Variants in UBAP1 observed in about 807,000 individuals in gnomAD.
UBAP1 encodes the protein ubiquitin-associated protein 1.
A neutral mutation model predicts 39.0 loss-of-function variants in UBAP1; 5 were observed. The observed-to-expected ratio is 0.13, with a 90% CI of 0.07 to 0.27. The LOEUF (loss-of-function observed/expected upper bound fraction) is 0.27, where lower values mean the gene tolerates loss of function less well. Ranked by LOEUF, UBAP1 falls within the 10% of genes least tolerant of loss-of-function variation. UBAP1 has a pLI of 1.00. For synonymous variants in UBAP1, 211 were observed against 225.1 expected, an observed-to-expected ratio of 0.94 and a Z score of 0.56; for missense variants, 490 against 608.1, an observed-to-expected ratio of 0.81 and a Z score of 2.04.
chr9:34,232,339 A>C (rs552772661), intron 2 of UBAP1, among the ~76,000 whole-genome samples: 2 of 152,230 alleles, frequency 1.3e-5, no homozygotes, highest in Non-Finnish European at 2.9e-5. Flanking sequence ...TCAAGTAAAT[A>C]AGGGTAGGAA....
chr9:34,219,401 T>C (rs751472258), intron 1 of UBAP1, among the ~76,000 whole-genome samples: 1 of 152,046 alleles, frequency 6.6e-6, no homozygotes, highest in Admixed American at 6.6e-5. Flanking sequence ...AACAGAAACT[T>C]TTCAAGAAAA....
chr9:34,241,030 C>G lies in UBAP1; in HGVS notation c.160-155C>G, dbSNP rs549331873. 1.1e-3 allele frequency among the ~76,000 whole-genome samples: 164 copies of G among 152,270 alleles called. 1 individual carries two copies. The highest frequency in any genetic ancestry group is 3.3e-3 in the African/African-American group (137 of 41,550). ...TTAAATCTTACAAGGACATTGGAAG[C>G]CTTACTCTTTTTAAGTGGGGATCAT... On this transcript the variant is annotated intron_variant, in intron 3 of 6. Transcript: ENST00000297661.
At chr9:34,206,498 A>T (rs1296688923) in intron 1 of UBAP1, among the ~76,000 whole-genome samples, 1 of 152,122 alleles carries the variant, frequency 6.6e-6, no homozygotes, top group African/African-American at 2.4e-5. Flanking sequence ...TGACAGAGTG[A>T]GACCCTGTCT....
At chr9:34,198,729 C>G (rs1831199364) in intron 1 of UBAP1, among the ~76,000 whole-genome samples, 1 of 152,144 alleles carries the variant, frequency 6.6e-6, no homozygotes, top group South Asian at 2.1e-4. Flanking sequence ...TGAGGCAAGA[C>G]AGACATGGAT....
chr9:34,226,483 T>C (rs1587855925), intron 2 of UBAP1, among the ~76,000 whole-genome samples: 1 of 152,236 alleles, frequency 6.6e-6, no homozygotes, highest in East Asian at 1.9e-4. Context: ...GTGATCCACC[T>C]GCGTCTGCGT....
intron 1 of UBAP1, among the ~76,000 whole-genome samples, chr9:34,182,665 TTCTTTCTTTCTTTCTTTCTC>T (rs1563881206): frequency 6.6e-5 from 4 of 60,806 alleles, no homozygotes; most frequent in African/African-American, 1.7e-4. Context: ...CTTTCTTTCT[TTCTTTCTTTCTTTCTTTCTC>T]TCTCTCTTTC....
In UBAP1 at chr9:34,241,318, G is replaced by A. The variant is rs2131620325; in HGVS notation, c.293G>A (p.Gly98Asp). Residue 98 changes from glycine (G) to aspartate (D), a missense_variant, in exon 4 of 7, where the codon GGC (glycine) becomes GAC (aspartate). Physicochemically the swap from Gly to Asp is moderately conservative, Grantham distance 94. Transcript: ENST00000297661. The part of the protein sequence containing the change: ...AKVNSKSGPE[G>D]DSKMSFSKTH... ...GTGAATTCTAAGAGTGGCCCAGAGG[G>A]CGATAGCAAAATGAGCTTCTCCAAG... is the stretch of plus-strand genomic sequence containing the variant. 1 of 1,518,316 alleles carries A rather than the reference G, an allele frequency of 6.6e-7. No homozygotes were observed. The highest frequency in any genetic ancestry group is 2.2e-5 in the Admixed American group (1 of 44,516). The allele number at this position is 1,518,316 out of a possible 1,614,324, so 94.1% of individuals were successfully genotyped here.
At chr9:34,197,054 A>G (rs967942910) in intron 1 of UBAP1, among the ~76,000 whole-genome samples, 1 of 151,686 alleles carries the variant, frequency 6.6e-6, no homozygotes, top group Non-Finnish European at 1.5e-5. Context: ...CAGCCTCCCG[A>G]ATAGCTGAGA....
At chr9:34,214,302 G>C (rs1409919573) in intron 1 of UBAP1, among the ~76,000 whole-genome samples, 1 of 152,088 alleles carries the variant, frequency 6.6e-6, no homozygotes, top group East Asian at 1.9e-4. Context: ...AAAACAGCAC[G>C]GTACTGGTAT....
At chr9:34,210,725 AAAAAAAAAATTTTTTTTTTTT>A (rs905023072) in intron 1 of UBAP1, among the ~76,000 whole-genome samples, 32 of 86,366 alleles carry the variant, frequency 3.7e-4, no homozygotes, top group African/African-American at 1.1e-3. Context: ...ATCTTTAAAA[AAAAAAAAAATTTTTTTTTTTT>A]ACATGTTTTC....
intron 1 of UBAP1, among the ~76,000 whole-genome samples, chr9:34,195,883 C>T (rs1048141478): frequency 1.3e-5 from 2 of 148,980 alleles, no homozygotes; most frequent in Non-Finnish European, 3.0e-5. Context: ...AGGCATGAGC[C>T]ACCACGTCCG....
At chr9:34,244,095 G>A (rs894450580) in intron 4 of UBAP1, among the ~76,000 whole-genome samples, 1 of 152,170 alleles carries the variant, frequency 6.6e-6, no homozygotes, top group South Asian at 2.1e-4. Flanking sequence ...TGATCCGCCC[G>A]CCTCGGCCTC....
At chr9:34,212,700 G>T (rs1180981489) in intron 1 of UBAP1, among the ~76,000 whole-genome samples, 1 of 133,686 alleles carries the variant, frequency 7.5e-6, no homozygotes, top group East Asian at 2.2e-4. Flanking sequence ...CAAGCAGCAA[G>T]ATTGAAATGG....
At chr9:34,187,815 GT>G (rs1041408755) in intron 1 of UBAP1, among the ~76,000 whole-genome samples, 2 of 147,972 alleles carry the variant, frequency 1.4e-5, no homozygotes, top group African/African-American at 5.0e-5. Context: ...TTAGAAGAAT[GT>G]TTTTTGCTTT....
intron 1 of UBAP1, among the ~76,000 whole-genome samples, chr9:34,218,979 C>G (rs1410506572): frequency 2.6e-5 from 4 of 152,060 alleles, no homozygotes; most frequent in African/African-American, 9.7e-5. Flanking sequence ...GTATGGTTTG[C>G]TGGTTCTTTG....
At chr9:34,182,250 T>G (rs1445345119) in intron 1 of UBAP1, among the ~76,000 whole-genome samples, 1 of 150,164 alleles carries the variant, frequency 6.7e-6, no homozygotes, top group Non-Finnish European at 1.5e-5. Flanking sequence ...TGTGGCGTGA[T>G]CTCAGCTCAC....
chr9:34,211,582 A>G (rs771981113), intron 1 of UBAP1, among the ~76,000 whole-genome samples: 9 of 152,102 alleles, frequency 5.9e-5, no homozygotes, highest in Non-Finnish European at 1.2e-4. Flanking sequence ...GGAAGTGAAA[A>G]TGAGAGAACA....
At chr9:34,251,203 C>T (rs560267928) in intron 6 of UBAP1, among the ~76,000 whole-genome samples, 189 bp from the exon 7 acceptor site, 8 of 152,224 alleles carry the variant, frequency 5.3e-5, no homozygotes, top group Non-Finnish European at 1.0e-4. Flanking sequence ...TCACCAAACC[C>T]GTTTGCCTTG....
At chr9:34,207,346 G>A (rs1402469708) in intron 1 of UBAP1, among the ~76,000 whole-genome samples, 1 of 148,938 alleles carries the variant, frequency 6.7e-6, no homozygotes, top group Non-Finnish European at 1.5e-5. Flanking sequence ...ACGCCTGGCC[G>A]CTTAATTGTT....
Sources: allele counts gnomAD v4.1 joint callset (sites outside exome capture counted in the v4.1 genomes callset), GRCh38; gene constraint gnomAD v4.1.1; transcripts MANE v1.5; gene names NCBI Gene and HGNC (gene_info 2026-07-23, HGNC 2026-07-21).